Variants in PKN3 observed in about 807,000 individuals in gnomAD.
The protein encoded by PKN3 is serine/threonine-protein kinase N3.
PKN3 carries 91 observed loss-of-function variants against 113.1 expected under a neutral mutation model. The ratio of observed to expected loss-of-function variants is 0.80; its 90% confidence interval spans 0.68 to 0.96. The LOEUF is 0.96. PKN3 is among the 40% of genes least tolerant of loss of function. PKN3 has a pLI of 0.00. For synonymous variants in PKN3, 467 were observed against 499.0 expected, an observed-to-expected ratio of 0.94 and a Z score of 0.85; for missense variants, 1,052 against 1,202.2, an observed-to-expected ratio of 0.88 and a Z score of 1.85.
rs1205316562 is a variant in PKN3, at chr9:128,705,528, G to A, written c.250G>A (p.Gly84Arg). The change falls in exon 2 of 22, where the codon GGG becomes AGG. Residue 84 changes from glycine to arginine, a missense_variant. Coordinates refer to ENST00000291906, the MANE Select transcript of PKN3 (RefSeq NM_013355.5). ...CGCCCGAATCCTGCTGCCCGGCCCT[G>A]GGCCTGGCCCAGCTGGTGAGTGAGG... ...LHARILLPGP[G>R]PGPAEPVASG... 1 of 1,556,636 alleles carries A rather than the reference G, an allele frequency of 6.4e-7. No homozygotes were observed. The highest frequency in any genetic ancestry group is 2.4e-5 in the East Asian group (1 of 41,310).
intron 6 of PKN3, among the ~76,000 whole-genome samples, chr9:128,708,340 C>A (rs984335753): frequency 6.6e-6 from 1 of 151,820 alleles, no homozygotes; most frequent in African/African-American, 2.4e-5. Context: ...GAGATTGCGC[C>A]GCTGCACTTC....
chr9:128,718,258 GTGCCTCCCTGCCC>G (rs1337921788), intron 16 of PKN3, 54 bp from the exon 17 acceptor site: 1 of 1,285,940 alleles, frequency 7.8e-7, no homozygotes, highest in Non-Finnish European at 1.1e-6. Flanking sequence ...GGCCATCCTG[GTGCCTCCCTGCCC>G]TGCCTCCCTG....
At chr9:128,708,989 A>G (rs888559024) in intron 6 of PKN3, among the ~76,000 whole-genome samples, 2 of 151,254 alleles carry the variant, frequency 1.3e-5, no homozygotes, top group Non-Finnish European at 2.9e-5. Context: ...CCATCTCTAC[A>G]AAAAATACAA....
intron 6 of PKN3, among the ~76,000 whole-genome samples, chr9:128,712,426 C>T (rs1318937193): frequency 6.6e-6 from 1 of 152,216 alleles, no homozygotes; most frequent in Non-Finnish European, 1.5e-5. Context: ...TGACAAAACA[C>T]GTTTCATATC....
At chr9:128,703,327 G>T (rs1861910504) in intron 1 of PKN3, 7 of 975,212 alleles carry the variant, frequency 7.2e-6, no homozygotes, top group Non-Finnish European at 8.5e-6. Flanking sequence ...AGGGGCCTGG[G>T]GGGGTTAGAA....
chr9:128,717,117 C>CT (rs34182369), intron 16 of PKN3, among the ~76,000 whole-genome samples, 194 bp downstream of exon 16: 542 of 24,354 alleles, frequency 0.022, 186 homozygotes, highest in East Asian at 0.088. Flanking sequence ...CATTAGGTTT[C>CT]TTTTTTTTTT....
intron 6 of PKN3, among the ~76,000 whole-genome samples, chr9:128,711,128 C>A (rs2132304313): frequency 6.6e-6 from 1 of 152,082 alleles, no homozygotes; most frequent in South Asian, 2.1e-4. Flanking sequence ...GCCTCAGCCT[C>A]TTGAATAGCT....
Position 128,720,901 on chromosome 9 carries a change from T to G in PKN3, c.*295T>G. The G allele has an allele frequency of 1.8e-6, 1 of 556,066 alleles. No individual in the cohort carries two copies. Among genetic ancestry groups the G allele is most frequent in the Non-Finnish European group, 3.2e-6 (1 of 316,234 alleles). The allele number at this position is 556,066 out of a possible 1,614,324, so 34.4% of individuals were successfully genotyped here. ...TTTTAAGACTGGACTTGCTTTATAT[T>G]AAATTTGTAAAAGTGTGCACTGGCA... On this transcript the variant is annotated 3_prime_UTR_variant, in exon 22 of 22. Transcript: ENST00000291906. The surrounding 1 kb of genome is among the most constrained non-coding windows in gnomAD (Gnocchi z 5.5).
intron 1 of PKN3, chr9:128,703,994 G>A: frequency 6.1e-6 from 6 of 985,480 alleles, no homozygotes; most frequent in Non-Finnish European, 7.2e-6. Flanking sequence ...AGGGCGGTCA[G>A]AGGATTTCCT....
Position 128,714,611 on chromosome 9 carries a change from C to A in PKN3, c.1531C>A (p.Pro511Thr). ...TPLGEEMTPP[P>T]KPPRLYLPQE... is the part of the protein sequence containing the mutation. ...CTTGGGTGAAGAGATGACACCCCCACCCAAGCCCCCACGCCTCTACCTCCC... is the reference window on the plus strand; with the variant it reads ...CTTGGGTGAAGAGATGACACCCCCAACCAAGCCCCCACGCCTCTACCTCCC... Residue 511 changes from proline to threonine, a missense_variant, in exon 12 of 22, where the codon CCC (proline) becomes ACC (threonine). By Grantham distance (38) the Pro-to-Thr change is conservative. Transcript: ENST00000291906. 1 of 1,453,556 alleles carries A rather than the reference C, an allele frequency of 6.9e-7. No homozygotes were observed. The highest frequency in any genetic ancestry group is 9.7e-7 in the Non-Finnish European group (1 of 1,033,524). 90.0% of individuals were successfully genotyped at this position (1,453,556 alleles called of 1,614,324 possible).
chr9:128,710,481 C>T (rs958817026), intron 6 of PKN3, among the ~76,000 whole-genome samples: 1 of 151,840 alleles, frequency 6.6e-6, no homozygotes. Context: ...CTTGGGGAAT[C>T]GAGGAATATT....
Position 128,715,474 on chromosome 9 carries a change from C to T in PKN3, c.1808+14C>T. On this transcript the variant is annotated intron_variant, in intron 15 of 21. Coordinates refer to ENST00000291906, the MANE Select transcript of PKN3 (RefSeq NM_013355.5). The surrounding 1 kb of genome is among the most constrained non-coding windows in gnomAD (Gnocchi z 4.1). ...CGAGATAGAGAGGTGTGTGGGGGTGCCGCAGGGCACCCAGGATGGCTGGCC... is the reference window on the plus strand; with the variant it reads ...CGAGATAGAGAGGTGTGTGGGGGTGTCGCAGGGCACCCAGGATGGCTGGCC... The T allele has an allele frequency of 2.5e-6, 4 of 1,600,826 alleles. No homozygotes were observed. Among genetic ancestry groups the T allele is most frequent in the Non-Finnish European group, 3.4e-6 (4 of 1,168,610 alleles).
rs1377723025 is a variant in PKN3, at chr9:128,715,446, G to T, written c.1794G>T (p.Arg598=). The T allele has an allele frequency of 6.2e-7, 1 of 1,613,674 alleles. No homozygotes were observed. Among genetic ancestry groups the T allele is most frequent in the East Asian group, 2.2e-5 (1 of 44,882 alleles). ...TGAAGAAGCAGGAGGTGCTCAGCCG[G>T]GACGAGATAGAGAGGTGTGTGGGGG... The part of the protein sequence containing the change: ...KALKKQEVLS[R]DEIESLYCEK... The change falls in exon 15 of 22, where the codon CGG becomes CGT. Residue 598 remains arginine, a synonymous_variant. Coordinates refer to ENST00000291906, the MANE Select transcript of PKN3 (RefSeq NM_013355.5). This position sits in a 1 kb window ranked among gnomAD's most constrained non-coding sequence, Gnocchi z 4.1.
In PKN3 at chr9:128,707,249, C is replaced by A. The variant is rs1250298573; in HGVS notation, c.679C>A (p.Gln227Lys). 1 of 1,610,846 alleles carries A rather than the reference C, an allele frequency of 6.2e-7. No individual in the cohort carries two copies. The highest frequency in any genetic ancestry group is 8.5e-7 in the Non-Finnish European group (1 of 1,177,702). ...CCAGGCCCAGCTACAGGAGTCCTCT[C>A]AGAAACTGGACCTCCTGCGCCTGGC... ...EAQAQLQESS[Q>K]KLDLLRLALE... The change falls in exon 6 of 22, where the codon CAG becomes AAG. Residue 227 changes from glutamine to lysine, a missense_variant. Physicochemically the swap from Gln to Lys is moderately conservative, Grantham distance 53. This residue lies in a region of PKN3 where 719 missense variants were observed against 759.4 expected (regional missense o/e 0.95). Transcript: ENST00000291906.
intron 1 of PKN3, chr9:128,703,270 G>A: frequency 1.4e-6 from 1 of 692,428 alleles, no homozygotes; most frequent in South Asian, 6.4e-5. Context: ...CTCCTCGGTG[G>A]GGCTCCAAGG....
At chr9:128,704,044 C>T in intron 1 of PKN3, 5 of 938,844 alleles carry the variant, frequency 5.3e-6, no homozygotes, top group Non-Finnish European at 6.2e-6. Flanking sequence ...GCCAGCAGGC[C>T]CCGCTGAGGT....
rs1383601170 is a variant in PKN3, at chr9:128,705,788, T to G, written c.320T>G (p.Leu107Arg). 1 of 1,608,582 alleles carries G rather than the reference T, an allele frequency of 6.2e-7. No homozygotes were observed. The highest frequency in any genetic ancestry group is 8.5e-7 in the Non-Finnish European group (1 of 1,177,682). Residue 107 changes from leucine (L) to arginine (R), a missense_variant, in exon 3 of 22, where the codon CTA (leucine) becomes CGA (arginine). This residue lies in a region of PKN3 where 719 missense variants were observed against 759.4 expected (regional missense o/e 0.95). Coordinates refer to ENST00000291906, the MANE Select transcript of PKN3 (RefSeq NM_013355.5). ...GCAGAGCAGCTCAGGGCTCGGCACC[T>G]AGAGGCTCTCCGGAGGCAGCTGCAT... ...PWAEQLRARH[L>R]EALRRQLHVE...
Position 128,716,916 on chromosome 9 carries a change from C to T in PKN3, c.1978C>T (p.Gln660Ter), listed in dbSNP as rs1862355825. ...CCACGAGGATGTCTTCCCCGAGCCC[C>T]AGGCCCGGTGGGTTCCATCCCTCCT... Reference protein sequence around the residue: ...QIHEDVFPEPQARFYVACVVL... With the variant: ...QIHEDVFPEP The change falls in exon 16 of 22, where the codon CAG (glutamine) becomes TAG (stop). Residue 660 changes from glutamine (Q) to a stop codon, truncating the protein, a stop_gained. Coordinates refer to ENST00000291906, the MANE Select transcript of PKN3 (RefSeq NM_013355.5). LOFTEE classifies it high-confidence loss of function. 1 of 1,613,480 alleles carries T rather than the reference C, an allele frequency of 6.2e-7. No individual in the cohort carries two copies. Among genetic ancestry groups the T allele is most frequent in the African/African-American group, 1.3e-5 (1 of 74,840 alleles).
intron 15 of PKN3, among the ~76,000 whole-genome samples, chr9:128,716,502 G>C (rs1291599955): frequency 6.6e-6 from 1 of 151,600 alleles, no homozygotes; most frequent in Non-Finnish European, 1.5e-5. Context: ...GGAGGCTGAG[G>C]CACAAAAATC....
Sources: allele counts gnomAD v4.1 joint callset (sites outside exome capture counted in the v4.1 genomes callset), GRCh38; gene constraint gnomAD v4.1.1; regional missense constraint gnomAD v4.1.1; non-coding constraint Gnocchi (gnomAD v3.1); transcripts MANE v1.5; gene names NCBI Gene and HGNC (gene_info 2026-07-23, HGNC 2026-07-21).